The following ANKS3 variants were observed in gnomAD, a reference collection of about 807,000 sequenced individuals.
ANKS3 encodes ankyrin repeat and sterile alpha motif domain containing 3, also known as ankyrin repeat and SAM domain-containing protein 3.
A neutral mutation model predicts 80.7 loss-of-function variants in ANKS3; 62 were observed. The ratio of observed to expected loss-of-function variants is 0.77; its 90% CI spans 0.63 to 0.95. The LOEUF is 0.95. Among genes scored for constraint, ANKS3 ranks in the 40% least tolerant of loss-of-function variants. ANKS3 has a pLI of 0.00. For synonymous variants in ANKS3, 489 were observed against 355.3 expected, an observed-to-expected ratio of 1.38 and a Z score of -4.23; for missense variants, 1,150 against 883.6, an observed-to-expected ratio of 1.30 and a Z score of -3.82.
chr16:4,702,047 C>A, intron 9 of ANKS3, 55 bp downstream of exon 9: 3 of 1,516,654 alleles, frequency 2.0e-6, no homozygotes, highest in Non-Finnish European at 2.6e-6. Flanking sequence ...GATGGGCACA[C>A]AGGAGCTCCA....
At position 4,697,042 on chromosome 16, in the gene ANKS3, ACTT is replaced by A; in HGVS notation, c.1954_1956del (p.Lys652del). The A allele has an allele frequency of 1.2e-6, 2 of 1,613,712 alleles. No homozygotes were observed. The highest frequency in any genetic ancestry group is 1.7e-6 in the Non-Finnish European group (2 of 1,179,954). ...CGGCCCGCAGGCTAGGTCTCCCGCC[ACTT>A]CTTCCCGTTCAGCACCTGCAGCTTC... On this transcript the variant is annotated inframe_deletion, in exon 17 of 18. Coordinates refer to ENST00000304283, the MANE Select transcript of ANKS3 (RefSeq NM_133450.4).
Position 4,697,065 on chromosome 16 carries a change from A to G in ANKS3, c.1934T>C (p.Leu645Pro), listed in dbSNP as rs1555463905. The change falls in exon 17 of 18, where the codon CTG becomes CCG. Residue 645 changes from leucine to proline, a missense_variant. By Grantham distance (98) the Leu-to-Pro change is moderately conservative. Coordinates refer to ENST00000304283, the MANE Select transcript of ANKS3 (RefSeq NM_133450.4). ...LCLVTQSLEK[L>P]QVLNGKKWRE... is the part of the protein sequence containing the mutation. Reference sequence around the variant, plus strand: ...CCACTTCTTCCCGTTCAGCACCTGCAGCTTCTCCAGGCTCTGGGTCACTAA... The same window carrying G: ...CCACTTCTTCCCGTTCAGCACCTGCGGCTTCTCCAGGCTCTGGGTCACTAA... The G allele has an allele frequency of 1.2e-6, 2 of 1,613,884 alleles. No homozygotes were observed. Among genetic ancestry groups the G allele is most frequent in the South Asian group, 1.1e-5 (1 of 91,066 alleles).
intron 6 of ANKS3, among the ~76,000 whole-genome samples, chr16:4,715,422 A>AGGG (rs2080742208): frequency 6.6e-6 from 1 of 152,148 alleles, no homozygotes; most frequent in African/African-American, 2.4e-5. Context: ...GGACCCCGGA[A>AGGG]AGGGGGAGCA....
Position 4,700,332 on chromosome 16 carries a change from G to A in ANKS3, c.1284+638C>T, listed in dbSNP as rs138170009. ...CTTGGGAGGCTGAGGCAGGAGAATC[G>A]CTTGAACCCAGGAGGAGGAGGTTGC... On this transcript the variant is annotated intron_variant, in intron 11 of 17. Coordinates refer to ENST00000304283, the MANE Select transcript of ANKS3 (RefSeq NM_133450.4). 613 of 155,940 alleles carry A rather than the reference G, an allele frequency of 3.9e-3. 3 individuals carry two copies. The highest frequency in any genetic ancestry group is 0.014 in the African/African-American group (579 of 41,576). The allele number at this position is 155,940 out of a possible 1,614,324, so 9.7% of individuals were successfully genotyped here. A position where few individuals can be genotyped will look rare whatever the true frequency, so the allele number is the denominator to read the frequency against.
intron 11 of ANKS3, 132 bp from the exon 12 acceptor site, chr16:4,699,308 T>G: frequency 7.9e-7 from 1 of 1,271,128 alleles, no homozygotes; most frequent in Non-Finnish European, 1.1e-6. Context: ...GCGCCCAGGC[T>G]GTCCCCTCCT....
rs749396468 is a variant in ANKS3, at chr16:4,697,456, G to C, written c.1811-40C>G. On this transcript the variant is annotated intron_variant, in intron 15 of 17. Transcript: ENST00000304283. ...CAGGGACCGAGTTAGCTGGGGGTCT[G>C]CGTCCCCACAGGCCCTGCTTTATTC... The C allele has an allele frequency of 1.1e-5, 17 of 1,491,286 alleles. No individual in the cohort carries two copies. In the Middle Eastern group the frequency reaches 5.4e-4, roughly 47 times the overall value. The allele number at this position is 1,491,286 out of a possible 1,614,324, so 92.4% of individuals were successfully genotyped here.
chr16:4,722,281 A>G (rs2081142044), intron 6 of ANKS3, among the ~76,000 whole-genome samples: 1 of 151,442 alleles, frequency 6.6e-6, no homozygotes, highest in African/African-American at 2.4e-5. Context: ...ACAGCTCGTA[A>G]GAGAAATACA....
chr16:4,702,107 C>T lies in ANKS3; in HGVS notation c.1004G>A (p.Ser335Asn). The T allele has an allele frequency of 7.1e-7, 1 of 1,416,138 alleles. No homozygotes were observed. Among genetic ancestry groups the T allele is most frequent in the Non-Finnish European group, 9.6e-7 (1 of 1,043,816 alleles). The allele number at this position is 1,416,138 out of a possible 1,614,324, so 87.7% of individuals were successfully genotyped here. A position where few individuals can be genotyped will look rare whatever the true frequency, so the allele number is the denominator to read the frequency against. Residue 335 changes from serine (S) to asparagine (N), a missense_variant, in exon 9 of 18, where the codon AGT (serine) becomes AAT (asparagine). Ser to Asn is a conservative substitution (Grantham distance 46). Coordinates refer to ENST00000304283, the MANE Select transcript of ANKS3 (RefSeq NM_133450.4). ...RDVESSSSSS[S>N]REEHAFCANL... Reference sequence around the variant, plus strand: ...ATGGGTGGGGGTGCACGTACCCCGACTGCTGCTGCTGCTGCTGCTCTCCAC... The same window carrying T: ...ATGGGTGGGGGTGCACGTACCCCGATTGCTGCTGCTGCTGCTGCTCTCCAC...
chr16:4,707,323 C>G (rs951159403), intron 7 of ANKS3, among the ~76,000 whole-genome samples: 2 of 151,104 alleles, frequency 1.3e-5, no homozygotes, highest in Non-Finnish European at 2.9e-5. Flanking sequence ...ACTCCGTCAC[C>G]TAGGCTGGAG....
At position 4,733,984 on chromosome 16, in the gene ANKS3, G is replaced by C; in HGVS notation, c.-117C>G. The C allele has an allele frequency of 1.0e-6, 1 of 985,484 alleles. No homozygotes were observed. The highest frequency in any genetic ancestry group is 1.7e-5 in the African/African-American group (1 of 57,368). The allele number at this position is 985,484 out of a possible 1,614,324, so 61.0% of individuals were successfully genotyped here. ...CCCCCGGCCACATCCCCACAGGAACGCTACGGCGCACAGGGCATTACTGTG... is the reference window on the plus strand; with the variant it reads ...CCCCCGGCCACATCCCCACAGGAACCCTACGGCGCACAGGGCATTACTGTG... On this transcript the variant is annotated 5_prime_UTR_variant, in exon 1 of 18. Transcript: ENST00000304283.
chr16:4,705,316 C>T (rs955930119), intron 7 of ANKS3, 63 bp from the exon 8 acceptor site: 115 of 1,552,598 alleles, frequency 7.4e-5, no homozygotes, highest in Non-Finnish European at 8.7e-5. Flanking sequence ...CTAATCCTTA[C>T]GGCAAACTGA....
intron 6 of ANKS3, among the ~76,000 whole-genome samples, chr16:4,720,722 T>C (rs1282116355): frequency 2.0e-5 from 3 of 147,582 alleles, no homozygotes; most frequent in African/African-American, 7.5e-5. Context: ...GGTAGATCAC[T>C]TGAGGTCAGG....
At chr16:4,726,012 G>C (rs1391361807) in intron 5 of ANKS3, among the ~76,000 whole-genome samples, 5 of 142,946 alleles carry the variant, frequency 3.5e-5, no homozygotes, top group Admixed American at 7.3e-5. Flanking sequence ...GTCTTGCTCT[G>C]TCACCCAGGC....
chr16:4,733,445 C>T (rs1180127861), intron 1 of ANKS3, among the ~76,000 whole-genome samples: 1 of 151,910 alleles, frequency 6.6e-6, no homozygotes, highest in Non-Finnish European at 1.5e-5. Context: ...GTATGAGCCA[C>T]CATGCCAGCC....
At chr16:4,729,395 C>T (rs1304001038) in intron 3 of ANKS3, 2 of 152,258 alleles carry the variant, frequency 1.3e-5, no homozygotes, top group Non-Finnish European at 2.9e-5. Flanking sequence ...GAGTCTCACT[C>T]TGTTGCCCAG....
rs77192916 is a variant in ANKS3 at position 4,701,633 on chromosome 16, C to T, written c.1010-90G>A. ...CCGGGCTGAGCCGCCTCCACCAGGGCACTCCTTGGGGCCTGCAGCGGTTGC... is the reference window on the plus strand; with the variant it reads ...CCGGGCTGAGCCGCCTCCACCAGGGTACTCCTTGGGGCCTGCAGCGGTTGC... On this transcript the variant is annotated intron_variant, in intron 9 of 17. Transcript: ENST00000304283. 1.7e-4 allele frequency: 201 copies of T among 1,158,438 alleles called. 2 individuals are homozygous for T. In the African/African-American group the frequency reaches 2.9e-3, roughly 17 times the overall value. 71.8% of individuals were successfully genotyped at this position (1,158,438 alleles called of 1,614,324 possible). A position where few individuals can be genotyped will look rare whatever the true frequency, so the allele number is the denominator to read the frequency against.
chr16:4,702,340 G>C, intron 8 of ANKS3, 98 bp from the exon 9 acceptor site: 1 of 1,284,090 alleles, frequency 7.8e-7, no homozygotes, highest in Non-Finnish European at 1.0e-6. Context: ...TCCCAGTCAT[G>C]ACCTCACCTA....
chr16:4,701,242 C>A, intron 10 of ANKS3, 108 bp from the exon 11 acceptor site: 2 of 1,526,120 alleles, frequency 1.3e-6, no homozygotes, highest in Non-Finnish European at 1.8e-6. Flanking sequence ...AAACCCCCCA[C>A]CCGCCACACA....
chr16:4,722,605 G>A (rs2142132981), intron 6 of ANKS3, among the ~76,000 whole-genome samples: 1 of 148,686 alleles, frequency 6.7e-6, no homozygotes. Context: ...AAATACAAAT[G>A]GCTAAGAAAT....
Sources: allele counts gnomAD v4.1 joint callset (sites outside exome capture counted in the v4.1 genomes callset), GRCh38; gene constraint gnomAD v4.1.1; transcripts MANE v1.5; gene names NCBI Gene and HGNC (gene_info 2026-07-23, HGNC 2026-07-21).